The following MICU1 variants were observed in gnomAD, a reference collection of about 807,000 sequenced individuals.
The protein encoded by MICU1 is calcium uptake protein 1, mitochondrial.
Under a neutral mutation model 56.8 loss-of-function variants are expected in MICU1, and 45 were observed. That is an observed-to-expected ratio of 0.79 (90% CI 0.62 to 1.02). The LOEUF (loss-of-function observed/expected upper bound fraction) is 1.02. MICU1 is among the 50% of genes least tolerant of loss of function. The probability of loss-of-function intolerance (pLI) is 0.00; values close to 1 mark genes in which losing one functional copy is unlikely to be tolerated. For synonymous variants in MICU1, 186 were observed against 195.1 expected (o/e 0.95, Z 0.39); for missense variants, 504 against 587.1 (o/e 0.86, Z 1.46).
chr10:72,414,169 G>A (rs1863911225), intron 9 of MICU1, among the ~76,000 whole-genome samples: 1 of 152,156 alleles, frequency 6.6e-6, no homozygotes, highest in Admixed American at 6.6e-5. Flanking sequence ...GGACTTGTAC[G>A]CAATGTTCAC....
chr10:72,492,767 TAAATAAAATAAAAATAGAATAGAATA>T (rs1866701551), intron 6 of MICU1, among the ~76,000 whole-genome samples: 1 of 121,210 alleles, frequency 8.3e-6, no homozygotes, highest in Non-Finnish European at 1.7e-5. Context: ...TGTCTCAAAA[TAAATAAAATAAAAATAGAATAGAATA>T]AAATAAAATA....
At chr10:72,546,498 T>C (rs2132434247) in intron 4 of MICU1, among the ~76,000 whole-genome samples, 1 of 152,306 alleles carries the variant, frequency 6.6e-6, no homozygotes, top group Non-Finnish European at 1.5e-5. Context: ...CCTTTTTCTG[T>C]CCATAAATCT....
intron 1 of MICU1, among the ~76,000 whole-genome samples, chr10:72,587,619 G>A (rs1841099188): frequency 2.0e-5 from 3 of 151,388 alleles, no homozygotes; most frequent in Admixed American, 6.6e-5. Context: ...AATATACAAC[G>A]ACAACAACAA....
chr10:72,547,048 T>C (rs1481689540), intron 4 of MICU1, among the ~76,000 whole-genome samples: 3 of 152,028 alleles, frequency 2.0e-5, no homozygotes, highest in East Asian at 1.9e-4. Context: ...CTCGCCACCA[T>C]GTCCAGCTAA....
chr10:72,507,301 A>C (rs1453979873), intron 6 of MICU1, among the ~76,000 whole-genome samples: 1 of 152,246 alleles, frequency 6.6e-6, no homozygotes, highest in African/African-American at 2.4e-5. Flanking sequence ...TGGTTAAAAA[A>C]AGTCACATCA....
At chr10:72,445,047 T>C (rs573549047) in intron 8 of MICU1, among the ~76,000 whole-genome samples, 49 of 152,318 alleles carry the variant, frequency 3.2e-4, no homozygotes, top group South Asian at 2.1e-4. Context: ...CAAAGCTCCA[T>C]TTGCTCCTTT....
At chr10:72,490,971 T>G (rs922688548) in intron 6 of MICU1, among the ~76,000 whole-genome samples, 1 of 152,124 alleles carries the variant, frequency 6.6e-6, no homozygotes, top group African/African-American at 2.4e-5. Context: ...AAGCCTGTGT[T>G]TTTCACTGAC....
intron 8 of MICU1, among the ~76,000 whole-genome samples, chr10:72,465,430 C>T (rs1865764292): frequency 1.3e-5 from 2 of 148,988 alleles, no homozygotes; most frequent in Non-Finnish European, 3.0e-5. Context: ...TTCTGAGATA[C>T]CCAGTGGAAG....
chr10:72,368,198 C>T lies in MICU1; in HGVS notation c.1428G>A (p.Gln476=). 1 of 1,611,974 alleles carries T rather than the reference C, an allele frequency of 6.2e-7. No homozygotes were observed. The highest frequency in any genetic ancestry group is 8.5e-7 in the Non-Finnish European group (1 of 1,179,058). The change falls in exon 12 of 12, where the codon CAG becomes CAA. Residue 476 remains glutamine, a synonymous_variant. Transcript: ENST00000361114. ...GGTCCCCTCTTGCAGTGTGGGGTTA[C>T]TGTTTGGGTAAAGCGAAGTCCCAGG... ...ETAWDFALPK[Q]
At chr10:72,430,385 T>C (rs1864486704) in intron 8 of MICU1, among the ~76,000 whole-genome samples, 1 of 152,190 alleles carries the variant, frequency 6.6e-6, no homozygotes, top group Non-Finnish European at 1.5e-5. Context: ...GAAATATAAA[T>C]TATGGGATCT....
chr10:72,376,794 C>T (rs969078581), intron 10 of MICU1, among the ~76,000 whole-genome samples: 8 of 151,880 alleles, frequency 5.3e-5, no homozygotes, highest in African/African-American at 1.9e-4. Flanking sequence ...GATGGTTGTA[C>T]AACATTGTGA....
intron 8 of MICU1, among the ~76,000 whole-genome samples, chr10:72,425,669 T>C (rs1269992716): frequency 6.6e-6 from 1 of 152,100 alleles, no homozygotes; most frequent in Non-Finnish European, 1.5e-5. Flanking sequence ...TAATTTGATT[T>C]TGGGCAGCAC....
At chr10:72,441,894 A>G (rs1236230520) in intron 8 of MICU1, among the ~76,000 whole-genome samples, 1 of 152,144 alleles carries the variant, frequency 6.6e-6, no homozygotes, top group East Asian at 1.9e-4. Flanking sequence ...CTAGGATTAT[A>G]GGCGTGAGCC....
chr10:72,543,922 T>C (rs1475206525), intron 4 of MICU1, among the ~76,000 whole-genome samples: 1 of 151,556 alleles, frequency 6.6e-6, no homozygotes, highest in African/African-American at 2.4e-5. Flanking sequence ...CCACCCCTCA[T>C]ATTGTCTTAT....
Position 72,368,261 on chromosome 10 carries a change from G to A in MICU1, c.1365C>T (p.Arg455=), listed in dbSNP as rs747668652. 6.2e-7 allele frequency: 1 copy of A among 1,613,992 alleles called. No individual in the cohort carries two copies. Among genetic ancestry groups the A allele is most frequent in the Admixed American group, 1.7e-5 (1 of 60,012 alleles). ...CACATTTCCACATGGCCTGCATGAG[G>A]CGAGTGAAACCCATGTCTTTGGGCT... ...LEKPKDMGFT[R]LMQAMWKCAQ... The change falls in exon 12 of 12, where the codon CGC becomes CGT. Residue 455 remains arginine, a synonymous_variant. Transcript: ENST00000361114.
intron 1 of MICU1, among the ~76,000 whole-genome samples, chr10:72,601,772 A>G (rs1275193471): frequency 3.3e-5 from 5 of 150,918 alleles, no homozygotes; most frequent in Admixed American, 1.3e-4. Context: ...TACAATATAT[A>G]AAATATTTTA....
intron 1 of MICU1, among the ~76,000 whole-genome samples, chr10:72,569,230 TA>T (rs1388232682): frequency 0.011 from 626 of 57,508 alleles, 21 homozygotes; most frequent in South Asian, 0.06. Flanking sequence ...TATATATATA[TA>T]TATATATTTT....
intron 5 of MICU1, among the ~76,000 whole-genome samples, chr10:72,518,963 G>A (rs953250234): frequency 6.6e-5 from 10 of 152,216 alleles, no homozygotes; most frequent in Non-Finnish European, 1.0e-4. Flanking sequence ...TTACAGGCGT[G>A]AGCCACTGCT....
chr10:72,446,008 A>G (rs1239435595), intron 8 of MICU1, among the ~76,000 whole-genome samples: 2 of 151,474 alleles, frequency 1.3e-5, no homozygotes, highest in African/African-American at 4.9e-5. Context: ...TAAAATTGCT[A>G]TTGGCTAAGG....
Sources: allele counts gnomAD v4.1 joint callset (sites outside exome capture counted in the v4.1 genomes callset), GRCh38; gene constraint gnomAD v4.1.1; transcripts MANE v1.5; gene names NCBI Gene and HGNC (gene_info 2026-07-23, HGNC 2026-07-21).